FAM169A: variants seen among roughly 807,000 people sequenced by gnomAD.
FAM169A encodes family with sequence similarity 169 member A.
In FAM169A, 24 loss-of-function variants were observed where a neutral mutation model predicts 75.7. The observed-to-expected ratio is 0.32, with a 90% CI of 0.23 to 0.45. FAM169A has a LOEUF of 0.45. Ranked by LOEUF, FAM169A falls within the 20% of genes least tolerant of loss-of-function variation. The pLI is 1.00. For missense variants in FAM169A, 673 were observed against 784.0 expected, an observed-to-expected ratio of 0.86 and a Z score of 1.69; for synonymous variants, 271 against 271.0, an observed-to-expected ratio of 1.00 and a Z score of 0.00.
chr5:74,855,511 G>C (rs72764687), intron 1 of FAM169A, among the ~76,000 whole-genome samples: 22,261 of 152,030 alleles, frequency 0.15, 1,883 homozygotes, highest in African/African-American at 0.23. Context: ...TTGTAGTTTT[G>C]ATTTCCATTC....
chr5:74,796,172 G>A lies in FAM169A; in HGVS notation c.1118C>T (p.Ala373Val). The A allele has an allele frequency of 6.2e-7, 1 of 1,609,596 alleles. No individual in the cohort carries two copies. ...TASINKLEST[A>V]RPSESSEEFL... The stretch of plus-strand genomic sequence containing the variant: ...TTCTTCTGAGCTCTCTGATGGGCGT[G>A]CAGTAGACTCCAATCTAAAAAACAA... The change falls in exon 11 of 13, where the codon GCA becomes GTA. Residue 373 changes from alanine (A) to valine (V), a missense_variant. Coordinates refer to ENST00000687041, the MANE Select transcript of FAM169A (RefSeq NM_001376049.1).
chr5:74,834,760 T>C (rs1392664032), intron 4 of FAM169A, among the ~76,000 whole-genome samples, 163 bp from the exon 5 acceptor site: 2 of 152,194 alleles, frequency 1.3e-5, no homozygotes, highest in Non-Finnish European at 2.9e-5. Flanking sequence ...GAGATGAGAC[T>C]AATCATTCAC....
intron 1 of FAM169A, among the ~76,000 whole-genome samples, chr5:74,844,400 C>T (rs974530126): frequency 1.3e-5 from 2 of 151,512 alleles, no homozygotes; most frequent in African/African-American, 4.9e-5. Flanking sequence ...AGTTCAATGA[C>T]GCAGTGAGGT....
At chr5:74,833,025 TAAG>T (rs947661892) in intron 5 of FAM169A, among the ~76,000 whole-genome samples, 4 of 152,100 alleles carry the variant, frequency 2.6e-5, no homozygotes, top group Non-Finnish European at 5.9e-5. Context: ...ACATGCATAA[TAAG>T]AAGAGCACAC....
intron 5 of FAM169A, among the ~76,000 whole-genome samples, chr5:74,829,494 G>A (rs1014582421): frequency 6.6e-6 from 1 of 152,114 alleles, no homozygotes; most frequent in Admixed American, 6.5e-5. Flanking sequence ...TATAAACACA[G>A]GTACAAAGAA....
At chr5:74,830,413 T>A (rs530139320) in intron 5 of FAM169A, among the ~76,000 whole-genome samples, 1 of 152,310 alleles carries the variant, frequency 6.6e-6, no homozygotes, top group South Asian at 2.1e-4. Context: ...GTAGAGGGAC[T>A]GTTAACTATG....
At chr5:74,861,261 G>C (rs1269457331) in intron 1 of FAM169A, among the ~76,000 whole-genome samples, 1 of 152,110 alleles carries the variant, frequency 6.6e-6, no homozygotes, top group South Asian at 2.1e-4. Context: ...TATAAGCCTT[G>C]GTTATTCCAC....
intron 1 of FAM169A, among the ~76,000 whole-genome samples, chr5:74,853,942 TAAAAA>T (rs879578990): frequency 6.9e-6 from 1 of 144,930 alleles, no homozygotes; most frequent in African/African-American, 2.5e-5. Context: ...AAGCTGAAGT[TAAAAA>T]AAAAAAGAAA....
rs1409006592 is a variant in FAM169A at position 74,781,634 on chromosome 5, C to G, written c.1839G>C (p.Glu613Asp). Reference protein sequence around the residue: ...QNAGQKNQSEEQSEASSEQLD... With the variant: ...QNAGQKNQSEDQSEASSEQLD... ...GTTGCTCGGAAGATGCTTCAGACTGCTCCTCTGACTGATTCTTCTGTCCTG... is the reference window on the plus strand; with the variant it reads ...GTTGCTCGGAAGATGCTTCAGACTGGTCCTCTGACTGATTCTTCTGTCCTG... The change falls in exon 13 of 13, where the codon GAG becomes GAC. Residue 613 changes from glutamate to aspartate, a missense_variant. Physicochemically the swap from Glu to Asp is conservative, Grantham distance 45. Transcript: ENST00000687041. The G allele has an allele frequency of 6.2e-7, 1 of 1,614,152 alleles. No individual in the cohort carries two copies. The highest frequency in any genetic ancestry group is 2.2e-5 in the East Asian group (1 of 44,880).
intron 1 of FAM169A, among the ~76,000 whole-genome samples, chr5:74,849,580 G>C (rs750562285): frequency 6.6e-6 from 1 of 151,764 alleles, no homozygotes; most frequent in Non-Finnish European, 1.5e-5. Context: ...GAATAGGTTA[G>C]GTATCCAGGC....
intron 11 of FAM169A, among the ~76,000 whole-genome samples, chr5:74,789,679 T>G (rs947669624): frequency 6.6e-6 from 1 of 152,186 alleles, no homozygotes; most frequent in Non-Finnish European, 1.5e-5. Flanking sequence ...CAGGCCCCCA[T>G]AGGTGAATCA....
intron 1 of FAM169A, among the ~76,000 whole-genome samples, chr5:74,850,608 C>A (rs990834653): frequency 6.6e-6 from 1 of 152,070 alleles, no homozygotes; most frequent in African/African-American, 2.4e-5. Context: ...TAACCATGGG[C>A]AAATTACCTG....
intron 8 of FAM169A, among the ~76,000 whole-genome samples, chr5:74,801,961 C>A (rs1471905634): frequency 6.6e-6 from 1 of 152,126 alleles, no homozygotes; most frequent in Admixed American, 6.5e-5. Context: ...AGACTTAAGC[C>A]TCCAAACTTT....
At chr5:74,844,206 C>T (rs530534705) in intron 1 of FAM169A, among the ~76,000 whole-genome samples, 1 of 152,248 alleles carries the variant, frequency 6.6e-6, no homozygotes, top group African/African-American at 2.4e-5. Context: ...CCTGTAATCC[C>T]AGCACTTTGG....
chr5:74,828,545 G>C (rs937691390), intron 5 of FAM169A, among the ~76,000 whole-genome samples: 1 of 152,154 alleles, frequency 6.6e-6, no homozygotes, highest in Non-Finnish European at 1.5e-5. Context: ...CAAGGCTGGG[G>C]TAACTGTCCA....
At chr5:74,808,331 T>C (rs1284603984) in intron 6 of FAM169A, among the ~76,000 whole-genome samples, 1 of 152,228 alleles carries the variant, frequency 6.6e-6, no homozygotes, top group Non-Finnish European at 1.5e-5. Flanking sequence ...TGCTACAACA[T>C]GATGGACCTC....
intron 5 of FAM169A, among the ~76,000 whole-genome samples, chr5:74,829,042 A>G (rs972181058): frequency 2.0e-5 from 3 of 152,236 alleles, no homozygotes; most frequent in African/African-American, 4.8e-5. Flanking sequence ...GCCTGAGGTC[A>G]ATGAATTTTG....
At chr5:74,803,753 C>A (rs574716423) in intron 8 of FAM169A, among the ~76,000 whole-genome samples, 4 of 152,272 alleles carry the variant, frequency 2.6e-5, no homozygotes, top group Admixed American at 1.3e-4. Context: ...CTTCTACTTT[C>A]AGGATACCTA....
intron 1 of FAM169A, among the ~76,000 whole-genome samples, chr5:74,850,914 C>T (rs1465656256): frequency 2.0e-5 from 3 of 151,948 alleles, no homozygotes; most frequent in Non-Finnish European, 4.4e-5. Flanking sequence ...TAGTTTTTTG[C>T]TTTGTTTTTG....
Sources: gnomAD v4.1 joint callset for allele counts (sites outside exome capture counted in the v4.1 genomes callset) on GRCh38, gnomAD v4.1.1 for gene constraint, MANE v1.5 for transcripts, NCBI Gene and HGNC (gene_info 2026-07-23, HGNC 2026-07-21) for gene names.